Variants in ARRB2 observed in about 807,000 individuals in gnomAD.
ARRB2 encodes the protein beta-arrestin-2.
In ARRB2, 21 loss-of-function variants were observed where a neutral mutation model predicts 53.4. The observed-to-expected ratio is 0.39, with a 90% CI of 0.28 to 0.57. The LOEUF is 0.57. Among genes scored for constraint, ARRB2 ranks in the 20% least tolerant of loss-of-function variants. The probability of loss-of-function intolerance (pLI) is 0.55; values close to 1 mark genes in which losing one functional copy is unlikely to be tolerated. For missense variants in ARRB2, 369 were observed against 527.5 expected (o/e 0.70, Z 2.94); for synonymous variants, 180 against 212.9 (o/e 0.85, Z 1.34).
intron 8 of ARRB2, 75 bp from the exon 9 acceptor site, chr17:4,718,186 C>G: frequency 7.1e-6 from 11 of 1,548,964 alleles, no homozygotes; most frequent in Non-Finnish European, 8.8e-6. Flanking sequence ...AACAATGTGT[C>G]TGTGTTTGGG....
chr17:4,715,750 G>A, intron 2 of ARRB2: 1 of 566,070 alleles, frequency 1.8e-6, no homozygotes, highest in African/African-American at 1.9e-5. Flanking sequence ...GGGCTGGTGG[G>A]CAGAGGTGTG....
chr17:4,713,743 G>C (rs1914665582), intron 1 of ARRB2, among the ~76,000 whole-genome samples: 1 of 149,072 alleles, frequency 6.7e-6, no homozygotes, highest in African/African-American at 2.5e-5. Context: ...TGAGCTGACA[G>C]CGTGCCACTC....
At chr17:4,715,240 G>A (rs1914823582) in intron 2 of ARRB2, 197 bp downstream of exon 2, 1 of 642,728 alleles carries the variant, frequency 1.6e-6, no homozygotes, top group African/African-American at 1.9e-5. Context: ...CCAGCCACAG[G>A]GCTGGGTGGG....
Position 4,717,757 on chromosome 17 carries a change from G to T in ARRB2, c.485+5G>T, listed in dbSNP as rs1915222905. 6.2e-7 allele frequency: 1 copy of T among 1,612,896 alleles called. No individual in the cohort carries two copies. Among genetic ancestry groups the T allele is most frequent in the Non-Finnish European group, 8.5e-7 (1 of 1,179,616 alleles). On this transcript the variant is annotated splice_donor_5th_base_variant and intron_variant, in intron 7 of 14. Coordinates refer to ENST00000269260, the MANE Select transcript of ARRB2 (RefSeq NM_004313.4). This position sits in a 1 kb window ranked among gnomAD's most constrained non-coding sequence, Gnocchi z 6.0. ...AGAAGAGAAAAGCCACAAAAGGTAA[G>T]GGAAGTGACCTCCTCTGTGGTGTAA...
intron 2 of ARRB2, 71 bp from the exon 3 acceptor site, chr17:4,715,902 C>A: frequency 6.3e-7 from 1 of 1,577,178 alleles, no homozygotes; most frequent in Non-Finnish European, 8.7e-7. Context: ...GGCAGGGCAG[C>A]CAGTTTTGAG....
Position 4,720,629 on chromosome 17 carries a change from A to T in ARRB2, c.1125A>T (p.Glu375Asp), listed in dbSNP as rs1481678753. The part of the protein sequence containing the change: ...TDVPVDTNLI[E>D]FDTNYATDDD... ...TCCCTGTGGACACCAACCTCATTGA[A>T]TTTGATACCAAGTAAGAAACTCATT... Residue 375 changes from glutamate to aspartate, a missense_variant, in exon 14 of 15, where the codon GAA becomes GAT. Coordinates refer to ENST00000269260, the MANE Select transcript of ARRB2 (RefSeq NM_004313.4). The T allele has an allele frequency of 6.3e-7, 1 of 1,589,530 alleles. No individual in the cohort carries two copies.
intron 10 of ARRB2, among the ~76,000 whole-genome samples, chr17:4,718,965 G>A (rs1567685680): frequency 1.3e-5 from 2 of 151,818 alleles, no homozygotes; most frequent in Admixed American, 1.3e-4. Context: ...ATAGAGACGA[G>A]GTTTCACCAT....
In ARRB2 at chr17:4,715,962, G is replaced by C. The variant is rs770108883; in HGVS notation, c.55-11G>C. Reference sequence around the variant, plus strand: ...TCCCCAATCTCCCCTGTGACCCCTTGACATCCTCAGCTCACCGTGTACTTG... The same window carrying C: ...TCCCCAATCTCCCCTGTGACCCCTTCACATCCTCAGCTCACCGTGTACTTG... On this transcript the variant is annotated splice_polypyrimidine_tract_variant and intron_variant, in intron 2 of 14. Coordinates refer to ENST00000269260, the MANE Select transcript of ARRB2 (RefSeq NM_004313.4). 5.6e-6 allele frequency: 9 copies of C among 1,614,036 alleles called. No individual in the cohort carries two copies. The highest frequency in any genetic ancestry group is 7.6e-6 in the Non-Finnish European group (9 of 1,180,030).
intron 1 of ARRB2, among the ~76,000 whole-genome samples, chr17:4,711,892 G>A (rs926973502): frequency 2.2e-4 from 34 of 152,182 alleles, no homozygotes; most frequent in Admixed American, 1.4e-3. Context: ...AGTGTGAAAG[G>A]ACATCTGCTT....
chr17:4,715,715 ACACAC>A (rs761245075), intron 2 of ARRB2: 15 of 460,292 alleles, frequency 3.3e-5, no homozygotes, highest in Non-Finnish European at 4.7e-5. Context: ...ACACACACAC[ACACAC>A]ACACAAACAC....
At position 4,717,150 on chromosome 17, in the gene ARRB2, T is replaced by C. The variant is rs914160691; in HGVS notation, c.358-67T>C. 1.9e-6 allele frequency: 3 copies of C among 1,547,166 alleles called. No homozygotes were observed. The highest frequency in any genetic ancestry group is 1.7e-5 in the Admixed American group (1 of 59,830). ...CACCCAGCGTCTCCAGCCTCTTAGGTTGAGATTTGGAGGAAGATCTGGGGG... is the reference window on the plus strand; with the variant it reads ...CACCCAGCGTCTCCAGCCTCTTAGGCTGAGATTTGGAGGAAGATCTGGGGG... On this transcript the variant is annotated intron_variant, in intron 5 of 14. Coordinates refer to ENST00000269260, the MANE Select transcript of ARRB2 (RefSeq NM_004313.4). This position sits in a 1 kb window ranked among gnomAD's most constrained non-coding sequence, Gnocchi z 6.0.
intron 10 of ARRB2, among the ~76,000 whole-genome samples, chr17:4,719,066 G>A (rs35351572): frequency 2.0e-5 from 3 of 152,160 alleles, no homozygotes; most frequent in Non-Finnish European, 2.9e-5. Context: ...GAGCCGCCGC[G>A]ACCGGCCACC....
At chr17:4,713,051 C>T (rs1277830592) in intron 1 of ARRB2, among the ~76,000 whole-genome samples, 1 of 152,174 alleles carries the variant, frequency 6.6e-6, no homozygotes, top group African/African-American at 2.4e-5. Flanking sequence ...TGCAGTGGCT[C>T]AATCTCAGCT....
chr17:4,712,064 C>T (rs1395451956), intron 1 of ARRB2, among the ~76,000 whole-genome samples: 2 of 152,206 alleles, frequency 1.3e-5, no homozygotes, highest in African/African-American at 4.8e-5. Flanking sequence ...GCAATTGCCC[C>T]AGAACCACAC....
At chr17:4,720,706 C>A (rs775396997) in intron 14 of ARRB2, 66 bp downstream of exon 14, 5 of 1,369,308 alleles carry the variant, frequency 3.7e-6, no homozygotes, top group Non-Finnish European at 5.0e-6. Context: ...CAAATCTGCC[C>A]TCATACCTCT....
Position 4,716,787 on chromosome 17 carries a change from G to A in ARRB2, c.357+179G>A, listed in dbSNP as rs1174104976. ...CCCTTGATTATCTGCCTCCTCTCTG[G>A]GGCCCCTTCCTTCTTCCCTTCTCAT... On this transcript the variant is annotated intron_variant, in intron 5 of 14. Transcript: ENST00000269260. The A allele has an allele frequency of 5.7e-6, 7 of 1,226,312 alleles. No homozygotes were observed. In the African/African-American group the frequency reaches 1.1e-4, roughly 19 times the overall value. 76.0% of individuals were successfully genotyped at this position (1,226,312 alleles called of 1,614,324 possible). A position where few individuals can be genotyped will look rare whatever the true frequency, so the allele number is the denominator to read the frequency against.
chr17:4,721,310 G>A lies in ARRB2; in HGVS notation c.*271G>A, dbSNP rs1403693732. The stretch of plus-strand genomic sequence containing the variant: ...AGCTGTGTTCATACCTAAATTTTCT[G>A]GAAGGGGACAGTGAAAAGAGGAGTG... On this transcript the variant is annotated 3_prime_UTR_variant, in exon 15 of 15. Coordinates refer to ENST00000269260, the MANE Select transcript of ARRB2 (RefSeq NM_004313.4). The surrounding 1 kb of genome is among the most constrained non-coding windows in gnomAD (Gnocchi z 4.2). 6 of 464,192 alleles carry A rather than the reference G, an allele frequency of 1.3e-5. No homozygotes were observed. The highest frequency in any genetic ancestry group is 3.8e-5 in the Admixed American group (1 of 26,240). 28.8% of individuals were successfully genotyped at this position (464,192 alleles called of 1,614,324 possible). A position where few individuals can be genotyped will look rare whatever the true frequency, so the allele number is the denominator to read the frequency against.
chr17:4,713,483 T>A (rs1481776552), intron 1 of ARRB2, among the ~76,000 whole-genome samples: 1 of 150,030 alleles, frequency 6.7e-6, no homozygotes, highest in East Asian at 2.0e-4. Flanking sequence ...ATACCAAAAT[T>A]CGCCGGGCGT....
At chr17:4,715,111 A>G (rs138591994) in intron 2 of ARRB2, 68 bp downstream of exon 2, 6 of 1,541,792 alleles carry the variant, frequency 3.9e-6, no homozygotes, top group Non-Finnish European at 5.3e-6. Flanking sequence ...CTTCCCCTAG[A>G]CGATCCCCAA....
Sources: gnomAD v4.1 joint callset for allele counts (sites outside exome capture counted in the v4.1 genomes callset) on GRCh38, gnomAD v4.1.1 for gene constraint, Gnocchi (gnomAD v3.1) non-coding constraint, MANE v1.5 for transcripts, NCBI Gene and HGNC (gene_info 2026-07-23, HGNC 2026-07-21) for gene names.